GLIS3: variants seen among roughly 807,000 people sequenced by gnomAD.
GLIS3 encodes zinc finger protein GLIS3.
In GLIS3, 53 loss-of-function variants were observed where a neutral mutation model predicts 78.6. The observed-to-expected ratio is 0.67, with a 90% CI of 0.54 to 0.85. GLIS3 has a LOEUF of 0.85. GLIS3 is among the 40% of genes least tolerant of loss of function. The pLI is 0.00. For missense variants in GLIS3, 1,703 were observed against 1,231.1 expected, an observed-to-expected ratio of 1.38 and a Z score of -5.74; for synonymous variants, 684 against 509.9, an observed-to-expected ratio of 1.34 and a Z score of -4.60.
At chr9:3,854,862 C>G (rs1186732886) in intron 9 of GLIS3, among the ~76,000 whole-genome samples, 5 of 152,108 alleles carry the variant, frequency 3.3e-5, no homozygotes, top group Non-Finnish European at 5.9e-5. Context: ...TGTTCTTATC[C>G]AAGCCTAGCT....
chr9:3,865,307 A>G (rs1820500409), intron 8 of GLIS3, among the ~76,000 whole-genome samples: 1 of 152,224 alleles, frequency 6.6e-6, no homozygotes, highest in Non-Finnish European at 1.5e-5. Context: ...TTAGCAGCTA[A>G]GTCTCCTGAC....
chr9:4,388,970 G>A, the GLIS3 span, among the ~76,000 whole-genome samples: 1 of 152,030 alleles, frequency 6.6e-6, no homozygotes, highest in Non-Finnish European at 1.5e-5. Context: ...AAGGGGATAG[G>A]GTAGGGGTAC....
At chr9:3,851,406 G>A (rs1350099246) in intron 9 of GLIS3, among the ~76,000 whole-genome samples, 5 of 152,144 alleles carry the variant, frequency 3.3e-5, no homozygotes, top group East Asian at 3.9e-4. Context: ...ATGGAGACCC[G>A]TAAATACTAC....
chr9:4,489,645 T>C, the GLIS3 span, among the ~76,000 whole-genome samples: 13 of 152,228 alleles, frequency 8.5e-5, no homozygotes, highest in Admixed American at 1.3e-4. Context: ...CTCCTGTGTT[T>C]GCCTTTCCAA....
intron 2 of GLIS3, among the ~76,000 whole-genome samples, chr9:4,185,333 G>A (rs1817688579): frequency 6.6e-6 from 1 of 152,138 alleles, no homozygotes; most frequent in South Asian, 2.1e-4. Context: ...TGGCTAAACT[G>A]TATTTTGTTT....
intron 2 of GLIS3, among the ~76,000 whole-genome samples, chr9:4,338,923 G>C (rs1817794966): frequency 6.6e-6 from 1 of 152,128 alleles, no homozygotes; most frequent in East Asian, 1.9e-4. Flanking sequence ...AGCTAAGATT[G>C]AGATTCTGCA....
At chr9:4,433,143 C>T in the GLIS3 span, among the ~76,000 whole-genome samples, 1 of 152,206 alleles carries the variant, frequency 6.6e-6, no homozygotes. Context: ...TGATCTTAAT[C>T]TAAAATGGCC....
intron 4 of GLIS3, among the ~76,000 whole-genome samples, chr9:4,045,707 C>T (rs1286686823): frequency 2.0e-5 from 3 of 152,034 alleles, no homozygotes; most frequent in Non-Finnish European, 4.4e-5. Context: ...CAGCAGATGC[C>T]TGGAAAGAAT....
At chr9:4,415,205 C>T in the GLIS3 span, among the ~76,000 whole-genome samples, 1 of 152,076 alleles carries the variant, frequency 6.6e-6, no homozygotes, top group Non-Finnish European at 1.5e-5. Flanking sequence ...AGGATCTTAC[C>T]ACCCCATTGA....
chr9:4,361,156 G>C, the GLIS3 span, among the ~76,000 whole-genome samples: 75 of 152,268 alleles, frequency 4.9e-4, no homozygotes, highest in African/African-American at 1.6e-3. Context: ...GCTGCCAGCT[G>C]CCAGCTGTCC....
At chr9:3,916,873 T>C (rs1327783458) in intron 6 of GLIS3, among the ~76,000 whole-genome samples, 12 of 152,310 alleles carry the variant, frequency 7.9e-5, no homozygotes, top group Non-Finnish European at 2.9e-5. Flanking sequence ...TTAAAAATCC[T>C]TTTTCTTTGT....
chr9:4,132,730 T>C (rs1319582600), intron 2 of GLIS3, among the ~76,000 whole-genome samples: 2 of 152,040 alleles, frequency 1.3e-5, no homozygotes, highest in Non-Finnish European at 2.9e-5. Context: ...CTAGGCTGGG[T>C]CATATAAAAT....
chr9:4,432,407 A>G, the GLIS3 span, among the ~76,000 whole-genome samples: 2 of 152,164 alleles, frequency 1.3e-5, no homozygotes, highest in Non-Finnish European at 2.9e-5. Context: ...AAAGCGTTGT[A>G]GGCTGAGTAA....
At chr9:4,442,809 AT>A in the GLIS3 span, among the ~76,000 whole-genome samples, 125 of 151,736 alleles carry the variant, frequency 8.2e-4, no homozygotes, top group African/African-American at 2.7e-3. Context: ...TTTTGTTTTC[AT>A]TTTTTTTCTC....
chr9:4,093,538 G>T (rs1186759758), intron 4 of GLIS3, among the ~76,000 whole-genome samples: 8 of 152,170 alleles, frequency 5.3e-5, no homozygotes, highest in Admixed American at 5.2e-4. Flanking sequence ...TAAATCCAAA[G>T]TCACTTGGTT....
intron 2 of GLIS3, among the ~76,000 whole-genome samples, chr9:4,133,875 C>CACACACACACACACA (rs3222803): frequency 1.1e-5 from 1 of 92,956 alleles, no homozygotes; most frequent in African/African-American, 4.2e-5. Flanking sequence ...CACACACACA[C>CACACACACACACACA]CGTACATCTG....
At position 4,311,029 on chromosome 9, in the gene GLIS3, G is replaced by C. The variant is rs550386761; in HGVS notation, n.265-501C>G. On this transcript the variant is annotated intron_variant and non_coding_transcript_variant, in intron 2 of 4. Coordinates refer to the GLIS3 transcript ENST00000471664. Reference sequence around the variant, plus strand: ...TTGGAGGGCAGTGGGCAACTTCTAAGGATGGGGACTTTATAGAAGTGCCTA... The same window carrying C: ...TTGGAGGGCAGTGGGCAACTTCTAACGATGGGGACTTTATAGAAGTGCCTA... Among the ~76,000 whole-genome samples the C allele has an allele frequency of 7.9e-5, 12 of 152,340 alleles. 1 individual carries two copies. The Middle Eastern group carries it at 0.01, about 130-fold the overall frequency.
At chr9:3,994,825 C>A (rs1435275234) in intron 4 of GLIS3, among the ~76,000 whole-genome samples, 3 of 152,152 alleles carry the variant, frequency 2.0e-5, no homozygotes, top group African/African-American at 7.2e-5. Context: ...AAAATGGCGG[C>A]TAAAGTGTTT....
intron 2 of GLIS3, among the ~76,000 whole-genome samples, chr9:4,168,579 G>T (rs1309795043): frequency 6.6e-6 from 1 of 152,130 alleles, no homozygotes; most frequent in Non-Finnish European, 1.5e-5. Flanking sequence ...TGAATATTAT[G>T]TGCTAAACAA....
Sources: allele counts gnomAD v4.1 joint callset (sites outside exome capture counted in the v4.1 genomes callset), GRCh38; gene constraint gnomAD v4.1.1; transcripts MANE v1.5; gene names NCBI Gene and HGNC (gene_info 2026-07-23, HGNC 2026-07-21).